PARM1: variants seen among roughly 807,000 people sequenced by gnomAD.
PARM1 encodes the protein prostate androgen-regulated mucin-like protein 1.
Under a neutral mutation model 24.6 loss-of-function variants are expected in PARM1, and 14 were observed. That is an observed-to-expected ratio of 0.57 (90% CI 0.38 to 0.89). The LOEUF is 0.89. Among genes scored for constraint, PARM1 ranks in the 40% least tolerant of loss-of-function variants. The pLI, the probability that PARM1 is intolerant of heterozygous loss-of-function variation, is 0.00. For synonymous variants in PARM1, 179 were observed against 156.6 expected (o/e 1.14, Z -1.07); for missense variants, 362 against 380.4 (o/e 0.95, Z 0.40).
At chr4:74,972,254 G>T (rs1193315949) in intron 1 of PARM1, among the ~76,000 whole-genome samples, 1 of 152,208 alleles carries the variant, frequency 6.6e-6, no homozygotes, top group Non-Finnish European at 1.5e-5. Context: ...GTGGTCTACT[G>T]TTGGGGAGCC....
At chr4:74,985,505 A>G (rs1722333760) in intron 1 of PARM1, among the ~76,000 whole-genome samples, 1 of 152,170 alleles carries the variant, frequency 6.6e-6, no homozygotes, top group South Asian at 2.1e-4. Context: ...CCATTTCACA[A>G]GTGAAGAAAT....
rs139790734 is a variant in PARM1, at chr4:75,004,111, C to A, written c.44-8314C>A. Among the ~76,000 whole-genome samples, 11 of 152,302 alleles carry A rather than the reference C, an allele frequency of 7.2e-5. No homozygotes were observed. The East Asian group carries it at 2.1e-3, about 29-fold the overall frequency. ...CATCCACAATTTTGTGTTAACAGGT[C>A]ATTTTCATGGAGCTTGCAGACAAAT... On this transcript the variant is annotated intron_variant, in intron 1 of 3. Transcript: ENST00000307428.
At chr4:75,007,437 ACT>A (rs1287589447) in intron 1 of PARM1, among the ~76,000 whole-genome samples, 2 of 151,930 alleles carry the variant, frequency 1.3e-5, no homozygotes, top group East Asian at 3.9e-4. Flanking sequence ...TCTAGTTCTG[ACT>A]CTGTTGCTGC....
intron 1 of PARM1, among the ~76,000 whole-genome samples, chr4:74,935,278 G>C (rs1180459025): frequency 2.0e-5 from 3 of 152,092 alleles, no homozygotes; most frequent in Non-Finnish European, 2.9e-5. Flanking sequence ...AATGGACACT[G>C]CATTCCCCCT....
In PARM1 at chr4:75,038,600, C is replaced by T. The variant is rs566003371; in HGVS notation, c.848+4639C>T. ...GGCGGTCTTCCATGTTCCAGTTTGG[C>T]AGTTTCGTTAGTGCTATTCTGAAAC... On this transcript the variant is annotated intron_variant, in intron 3 of 3. Transcript: ENST00000307428. Among the ~76,000 whole-genome samples, 9 of 152,312 alleles carry T rather than the reference C, an allele frequency of 5.9e-5. No homozygotes were observed. In the East Asian group the frequency reaches 1.3e-3, roughly 23 times the overall value.
chr4:75,031,444 C>T (rs950719092), intron 2 of PARM1, among the ~76,000 whole-genome samples: 1 of 151,780 alleles, frequency 6.6e-6, no homozygotes, highest in African/African-American at 2.4e-5. Context: ...CATGGAAGAG[C>T]CCCATTTGAA....
chr4:75,012,206 T>C (rs913732885), intron 1 of PARM1, among the ~76,000 whole-genome samples: 4 of 152,202 alleles, frequency 2.6e-5, no homozygotes, highest in Non-Finnish European at 5.9e-5. Flanking sequence ...CTACTAATTG[T>C]TCTTACTGAG....
At chr4:74,964,707 TC>T (rs1207850456) in intron 1 of PARM1, among the ~76,000 whole-genome samples, 1 of 152,138 alleles carries the variant, frequency 6.6e-6, no homozygotes. Flanking sequence ...AGAAACCCTA[TC>T]CCTAGGGTCT....
At chr4:74,963,916 CATT>C (rs1721836020) in intron 1 of PARM1, among the ~76,000 whole-genome samples, 1 of 152,132 alleles carries the variant, frequency 6.6e-6, no homozygotes, top group African/African-American at 2.4e-5. Context: ...TTGCAGCAAT[CATT>C]GTAGTTAGTT....
intron 1 of PARM1, among the ~76,000 whole-genome samples, chr4:74,980,639 T>C (rs1344239297): frequency 6.6e-6 from 1 of 152,106 alleles, no homozygotes; most frequent in Non-Finnish European, 1.5e-5. Flanking sequence ...AATCAAAAAA[T>C]AGCCCGTATA....
At chr4:75,015,550 C>T (rs751095501) in intron 2 of PARM1, among the ~76,000 whole-genome samples, 2 of 152,152 alleles carry the variant, frequency 1.3e-5, no homozygotes, top group African/African-American at 2.4e-5. Flanking sequence ...TTCATGAAAA[C>T]AAGTATGAGA....
chr4:74,936,488 CT>C (rs1178964840), intron 1 of PARM1, among the ~76,000 whole-genome samples: 1 of 146,672 alleles, frequency 6.8e-6, no homozygotes, highest in Non-Finnish European at 1.5e-5. Flanking sequence ...GAGTCTCTCT[CT>C]GTCTCCCAGG....
At chr4:75,014,941 T>C (rs1722952776) in intron 2 of PARM1, among the ~76,000 whole-genome samples, 1 of 152,334 alleles carries the variant, frequency 6.6e-6, no homozygotes, top group Non-Finnish European at 1.5e-5. Context: ...AGAGTTGGTG[T>C]TGACTTTGAT....
At chr4:75,027,289 A>C (rs4859933) in intron 2 of PARM1, among the ~76,000 whole-genome samples, 76,664 of 151,628 alleles carry the variant, frequency 0.51, 19,718 homozygotes, top group African/African-American at 0.55. Flanking sequence ...GTCTCTACAC[A>C]CCACACTGTC....
At chr4:75,022,983 AGAT>A (rs1190895978) in intron 2 of PARM1, among the ~76,000 whole-genome samples, 1 of 152,168 alleles carries the variant, frequency 6.6e-6, no homozygotes, top group Non-Finnish European at 1.5e-5. Flanking sequence ...TGGCCAAAAG[AGAT>A]GATATTTTAT....
At chr4:75,023,939 G>A (rs369525168) in intron 2 of PARM1, among the ~76,000 whole-genome samples, 3 of 152,260 alleles carry the variant, frequency 2.0e-5, no homozygotes. Context: ...GAATTCCTGA[G>A]TCTGGGGGAA....
At chr4:75,014,567 C>T (rs1722943966) in intron 2 of PARM1, among the ~76,000 whole-genome samples, 1 of 152,154 alleles carries the variant, frequency 6.6e-6, no homozygotes, top group Non-Finnish European at 1.5e-5. Context: ...ACAACAATCT[C>T]AAGGTTAACC....
intron 1 of PARM1, among the ~76,000 whole-genome samples, chr4:75,006,472 T>A (rs184997417): frequency 9.1e-4 from 138 of 152,004 alleles, no homozygotes; most frequent in South Asian, 2.9e-3. Flanking sequence ...GGACATGAAC[T>A]CATCTTTTTT....
At chr4:74,945,230 ATGAG>A (rs1325554535) in intron 1 of PARM1, among the ~76,000 whole-genome samples, 1 of 152,220 alleles carries the variant, frequency 6.6e-6, no homozygotes, top group African/African-American at 2.4e-5. Flanking sequence ...ATGGTATCTG[ATGAG>A]TGAACGTTGG....
Sources: gnomAD v4.1 joint callset for allele counts (sites outside exome capture counted in the v4.1 genomes callset) on GRCh38, gnomAD v4.1.1 for gene constraint, MANE v1.5 for transcripts, NCBI Gene and HGNC (gene_info 2026-07-23, HGNC 2026-07-21) for gene names.